Variants in NBAS observed in about 807,000 individuals in gnomAD.
NBAS encodes the protein NBAS subunit of NRZ tethering complex.
In NBAS, 219 loss-of-function variants were observed where a neutral mutation model predicts 302.5. The ratio of observed to expected loss-of-function variants is 0.72; its 90% confidence interval spans 0.65 to 0.81. The LOEUF (loss-of-function observed/expected upper bound fraction) is 0.81, where lower values mean the gene tolerates loss of function less well. Among genes scored for constraint, NBAS ranks in the 30% least tolerant of loss-of-function variants. NBAS has a pLI of 0.00. For synonymous variants in NBAS, 1,118 were observed against 1,021.6 expected, an observed-to-expected ratio of 1.09 and a Z score of -1.80; for missense variants, 2,932 against 2,841.6, an observed-to-expected ratio of 1.03 and a Z score of -0.72.
At chr2:15,118,148 G>A in the NBAS span, among the ~76,000 whole-genome samples, 2 of 152,184 alleles carry the variant, frequency 1.3e-5, no homozygotes, top group Admixed American at 6.5e-5. Context: ...CGTGTCAGGC[G>A]GGCAGAGGAG....
chr2:14,887,389 T>C, the NBAS span, among the ~76,000 whole-genome samples: 35 of 95,304 alleles, frequency 3.7e-4, no homozygotes, highest in African/African-American at 2.2e-3. Flanking sequence ...AGTGACAAAG[T>C]GAGACTCCTC....
At chr2:15,502,724 T>A (rs1264952617) in intron 11 of NBAS, among the ~76,000 whole-genome samples, 1 of 152,220 alleles carries the variant, frequency 6.6e-6, no homozygotes, top group Admixed American at 6.5e-5. Flanking sequence ...GGCAAGTGAA[T>A]GGGAAGGCCT....
intron 21 of NBAS, among the ~76,000 whole-genome samples, chr2:15,460,716 A>G (rs1286619222): frequency 1.3e-5 from 2 of 152,218 alleles, no homozygotes; most frequent in African/African-American, 4.8e-5. Context: ...ACCGTGAATT[A>G]AGAGGAGGAT....
intron 21 of NBAS, among the ~76,000 whole-genome samples, chr2:15,439,825 G>T (rs1194105181): frequency 6.6e-6 from 1 of 152,184 alleles, no homozygotes; most frequent in African/African-American, 2.4e-5. Context: ...TTTCCAACAG[G>T]CTTAAAAAAT....
At chr2:15,323,967 T>C (rs1671947884) in intron 38 of NBAS, among the ~76,000 whole-genome samples, 1 of 148,674 alleles carries the variant, frequency 6.7e-6, no homozygotes, top group South Asian at 2.1e-4. Context: ...TTCTTAAAAA[T>C]TCCTAAGAGA....
In NBAS at chr2:15,501,768, CT is replaced by C. The variant is rs1162754384; in HGVS notation, c.954+2376del. Among the ~76,000 whole-genome samples the C allele has an allele frequency of 3.0e-3, 421 of 142,468 alleles. 1 individual carries two copies. Among genetic ancestry groups the C allele is most frequent in the Non-Finnish European group, 4.4e-3 (287 of 64,776 alleles). 93.5% of individuals were successfully genotyped at this position (142,468 alleles called of 152,430 possible). A position where few individuals can be genotyped will look rare whatever the true frequency, so the allele number is the denominator to read the frequency against. On this transcript the variant is annotated intron_variant, in intron 11 of 51. Transcript: ENST00000281513. ...TAAAGATATTAGTAGTTAAGAGGAA[CT>C]TTTTTTTTTTTGAGCCAGGGTCTCA...
chr2:14,781,931 A>T, the NBAS span, among the ~76,000 whole-genome samples: 1 of 152,076 alleles, frequency 6.6e-6, no homozygotes, highest in Non-Finnish European at 1.5e-5. Context: ...CCTCCTTAGC[A>T]TGATGGTCAT....
At chr2:15,333,853 AAAAAG>A (rs1377508373) in intron 35 of NBAS, among the ~76,000 whole-genome samples, 8 of 151,876 alleles carry the variant, frequency 5.3e-5, no homozygotes, top group Admixed American at 4.6e-4. Context: ...AAAAAAAAAA[AAAAAG>A]AAGAGCCGCG....
the NBAS span, among the ~76,000 whole-genome samples, chr2:15,011,845 C>A: frequency 6.6e-6 from 1 of 152,196 alleles, no homozygotes; most frequent in Admixed American, 6.5e-5. Context: ...AGAGACTACA[C>A]TACTGTGTCC....
the NBAS span, among the ~76,000 whole-genome samples, chr2:14,815,846 C>T: frequency 6.6e-6 from 1 of 152,176 alleles, no homozygotes; most frequent in African/African-American, 2.4e-5. Context: ...AGCAACATAA[C>T]TATCTACCCA....
chr2:15,396,493 G>GAA lies in NBAS; in HGVS notation c.3072-20_3072-19dup. On this transcript the variant is annotated intron_variant, in intron 26 of 51. Transcript: ENST00000281513. The stretch of plus-strand genomic sequence containing the variant: ...TCTTATCACTAATAAATTAAAAGAA[G>GAA]AAAAAAAAAAGCCCTTAAGTTTAGT... 1.5e-5 allele frequency: 20 copies of GAA among 1,355,924 alleles called. No individual in the cohort carries two copies. The highest frequency in any genetic ancestry group is 4.9e-5 in the South Asian group (3 of 61,082). 84.0% of individuals were successfully genotyped at this position (1,355,924 alleles called of 1,614,324 possible).
intron 31 of NBAS, among the ~76,000 whole-genome samples, chr2:15,373,588 C>G (rs1674588488): frequency 1.3e-5 from 2 of 152,206 alleles, no homozygotes; most frequent in Admixed American, 1.3e-4. Flanking sequence ...ACATCAGCAT[C>G]CCAAAATGCT....
At chr2:15,033,207 T>C in the NBAS span, among the ~76,000 whole-genome samples, 8 of 152,252 alleles carry the variant, frequency 5.3e-5, no homozygotes, top group African/African-American at 1.9e-4. Flanking sequence ...TCAGACTTAC[T>C]TGGGACCCTT....
chr2:15,410,877 A>C (rs140149514), intron 25 of NBAS, among the ~76,000 whole-genome samples: 36 of 152,272 alleles, frequency 2.4e-4, no homozygotes, highest in African/African-American at 7.0e-4. Flanking sequence ...CCAAGACTTC[A>C]TCCCAGTTCT....
At chr2:15,402,435 T>A in intron 25 of NBAS, 134 bp from the exon 26 acceptor site, 1 of 873,540 alleles carries the variant, frequency 1.1e-6, no homozygotes, top group South Asian at 1.5e-5. Flanking sequence ...GATTTTTCTT[T>A]ATAGATTTCT....
intron 40 of NBAS, among the ~76,000 whole-genome samples, chr2:15,301,582 C>G (rs746110253): frequency 2.0e-5 from 3 of 152,228 alleles, no homozygotes; most frequent in African/African-American, 4.8e-5. Flanking sequence ...TGTCCAAGAA[C>G]AGAACACATC....
At chr2:15,434,748 C>A (rs1003606117) in intron 21 of NBAS, among the ~76,000 whole-genome samples, 2 of 152,106 alleles carry the variant, frequency 1.3e-5, no homozygotes, top group Non-Finnish European at 2.9e-5. Flanking sequence ...TGCCAGTATT[C>A]CATTCAGTGA....
At chr2:15,054,081 C>T in the NBAS span, among the ~76,000 whole-genome samples, 13 of 152,308 alleles carry the variant, frequency 8.5e-5, no homozygotes, top group South Asian at 2.1e-3. Context: ...CAGGACTCTT[C>T]AGTTCAATGT....
chr2:15,331,783 T>C (rs114467022), intron 35 of NBAS, among the ~76,000 whole-genome samples: 5,473 of 152,298 alleles, frequency 0.036, 306 homozygotes, highest in African/African-American at 0.12. Context: ...CCCCCAATGA[T>C]AGCCATATCC....
Sources: gnomAD v4.1 joint callset for allele counts (sites outside exome capture counted in the v4.1 genomes callset) on GRCh38, gnomAD v4.1.1 for gene constraint, MANE v1.5 for transcripts, NCBI Gene and HGNC (gene_info 2026-07-23, HGNC 2026-07-21) for gene names.